VPS45: variants seen among roughly 807,000 people sequenced by gnomAD.
VPS45 encodes the protein vacuolar protein sorting-associated protein 45.
A neutral mutation model predicts 75.9 loss-of-function variants in VPS45; 35 were observed. That is an observed-to-expected ratio of 0.46 (90% CI 0.35 to 0.61). VPS45 has a LOEUF of 0.61. Among genes scored for constraint, VPS45 ranks in the 20% least tolerant of loss-of-function variants. The pLI is 0.00. For missense variants in VPS45, 559 were observed against 685.9 expected, an observed-to-expected ratio of 0.81 and a Z score of 2.07; for synonymous variants, 220 against 238.2, an observed-to-expected ratio of 0.92 and a Z score of 0.70.
chr1:150,081,369 C>A lies in VPS45; in HGVS notation c.715C>A (p.Leu239Ile), dbSNP rs782377202. The A allele has an allele frequency of 6.2e-7, 1 of 1,607,390 alleles. No individual in the cohort carries two copies. The highest frequency in any genetic ancestry group is 1.1e-5 in the South Asian group (1 of 89,710). Residue 239 changes from leucine to isoleucine, a missense_variant, in exon 8 of 15, where the codon CTA becomes ATA. Transcript: ENST00000644510. ...GACATATCAGGCCATGGTCCACGAA[C>A]TACTAGGCATAAACAACAATCGGAT... is the stretch of plus-strand genomic sequence containing the variant. ...QWTYQAMVHE[L>I]LGINNNRIDL...
At chr1:150,124,552 C>CTTTTTTTTTTTT (rs1415553849) in intron 14 of VPS45, among the ~76,000 whole-genome samples, 2 of 140,218 alleles carry the variant, frequency 1.4e-5, no homozygotes, top group Non-Finnish European at 3.0e-5. Context: ...TTTCTTTTTT[C>CTTTTTTTTTTTT]TTTTTTTTTT....
intron 13 of VPS45, chr1:150,109,886 C>G (rs1168642775): frequency 6.6e-6 from 1 of 152,028 alleles, no homozygotes; most frequent in Non-Finnish European, 1.5e-5. Context: ...CTTGGTTTAT[C>G]AAAGGATTCA....
chr1:150,136,379 C>T (rs1371536887), intron 14 of VPS45, among the ~76,000 whole-genome samples: 1 of 151,506 alleles, frequency 6.6e-6, no homozygotes, highest in African/African-American at 2.4e-5. Context: ...CATGGTGAAA[C>T]CCCGTCTCTA....
rs147120532 is a variant in VPS45 at position 150,138,720 on chromosome 1, G to A, written c.1626-5989G>A. Reference sequence around the variant, plus strand: ...CATTGAGAACCAGTGTTTCTTGTCCGAACTTCTCCCCCAAACTCTGGACTT... The same window carrying A: ...CATTGAGAACCAGTGTTTCTTGTCCAAACTTCTCCCCCAAACTCTGGACTT... On this transcript the variant is annotated intron_variant, in intron 14 of 14. Coordinates refer to ENST00000644510, the MANE Select transcript of VPS45 (RefSeq NM_007259.5). Among the ~76,000 whole-genome samples the A allele has an allele frequency of 4.6e-5, 7 of 152,162 alleles. No homozygotes were observed. In the East Asian group the frequency reaches 9.7e-4, roughly 21 times the overall value.
At chr1:150,123,946 G>A (rs929666417) in intron 14 of VPS45, among the ~76,000 whole-genome samples, 4 of 152,036 alleles carry the variant, frequency 2.6e-5, no homozygotes, top group African/African-American at 4.8e-5. Context: ...CAATTCTCTC[G>A]CTGCCAGATT....
At chr1:150,115,633 T>C (rs912333013) in intron 14 of VPS45, among the ~76,000 whole-genome samples, 1 of 152,212 alleles carries the variant, frequency 6.6e-6, no homozygotes, top group Non-Finnish European at 1.5e-5. Flanking sequence ...TACATCTCTC[T>C]TGCATATTCT....
rs1559904726 is a variant in VPS45 at position 150,077,731 on chromosome 1, C to T, written c.639C>T (p.Leu213=). 6.2e-7 allele frequency: 1 copy of T among 1,614,038 alleles called. No individual in the cohort carries two copies. The highest frequency in any genetic ancestry group is 2.2e-5 in the East Asian group (1 of 44,864). ...EFRRTEVPPL[L]LILDRCDDAI... is the part of the protein sequence containing the mutation. ...GTCGGACAGAGGTTCCTCCATTGCT[C>T]CTTATTTTAGATCGCTGTGATGATG... Residue 213 remains leucine (L), a synonymous_variant, in exon 7 of 15, where the codon CTC becomes CTT. Transcript: ENST00000644510.
chr1:150,124,811 G>A (rs1553810393), intron 14 of VPS45, among the ~76,000 whole-genome samples: 1 of 150,362 alleles, frequency 6.7e-6, no homozygotes, highest in Non-Finnish European at 1.5e-5. Flanking sequence ...CGCCTGCCTT[G>A]TCCTCCCAAA....
intron 14 of VPS45, among the ~76,000 whole-genome samples, chr1:150,128,779 G>A (rs1267942163): frequency 1.3e-5 from 2 of 150,158 alleles, no homozygotes; most frequent in African/African-American, 4.9e-5. Context: ...TCGCTCTGTC[G>A]CCCAGGCTGG....
chr1:150,082,957 T>A, intron 10 of VPS45, 74 bp downstream of exon 10: 1 of 1,408,524 alleles, frequency 7.1e-7, no homozygotes, highest in Non-Finnish European at 9.5e-7. Flanking sequence ...AAAAGGCAAG[T>A]AATCCTTCTT....
chr1:150,072,111 T>G (rs1655106724), intron 2 of VPS45, 55 bp from the exon 3 acceptor site: 3 of 1,496,192 alleles, frequency 2.0e-6, no homozygotes, highest in Admixed American at 1.8e-5. Context: ...TGCTTATTAC[T>G]TTTTTCCTTA....
At position 150,131,464 on chromosome 1, in the gene VPS45, T is replaced by A. The variant is rs587732545; in HGVS notation, c.1626-13245T>A. On this transcript the variant is annotated intron_variant, in intron 14 of 14. Transcript: ENST00000644510. ...AGGCAGAGGTTGCAGTGAGACAAGA[T>A]CGCACCATTGCACTCCAGCCTGGGC... is the stretch of plus-strand genomic sequence containing the variant. Among the ~76,000 whole-genome samples the A allele has an allele frequency of 2.6e-5, 4 of 152,062 alleles. No homozygotes were observed. The South Asian group carries it at 8.3e-4, about 32-fold the overall frequency.
chr1:150,117,620 A>G (rs1297078890), intron 14 of VPS45, among the ~76,000 whole-genome samples: 4 of 152,104 alleles, frequency 2.6e-5, no homozygotes, highest in Non-Finnish European at 4.4e-5. Context: ...GCACTTTGGG[A>G]GACCGAAGTG....
At chr1:150,135,859 G>T (rs1659050514) in intron 14 of VPS45, among the ~76,000 whole-genome samples, 1 of 150,566 alleles carries the variant, frequency 6.6e-6, no homozygotes, top group Non-Finnish European at 1.5e-5. Flanking sequence ...GGCTGGTTTT[G>T]AACTCCTGAC....
intron 14 of VPS45, among the ~76,000 whole-genome samples, chr1:150,115,431 T>TAGAAAA (rs1657880900): frequency 6.6e-6 from 1 of 152,220 alleles, no homozygotes; most frequent in Non-Finnish European, 1.5e-5. Flanking sequence ...TTTCTCATGT[T>TAGAAAA]TTCAAATCCT....
At chr1:150,074,269 C>T (rs1383360814) in intron 3 of VPS45, among the ~76,000 whole-genome samples, 1 of 151,858 alleles carries the variant, frequency 6.6e-6, no homozygotes, top group Non-Finnish European at 1.5e-5. Context: ...GTGATACGCC[C>T]GCTTCAGCCT....
At chr1:150,139,259 G>A (rs1184966896) in intron 14 of VPS45, among the ~76,000 whole-genome samples, 20 of 151,962 alleles carry the variant, frequency 1.3e-4, no homozygotes, top group Admixed American at 6.6e-4. Flanking sequence ...CTTATAGCCC[G>A]CTCTACCCAT....
At chr1:150,101,260 C>T (rs1266011041) in intron 13 of VPS45, among the ~76,000 whole-genome samples, 1 of 85,724 alleles carries the variant, frequency 1.2e-5, no homozygotes, top group Non-Finnish European at 2.3e-5. Flanking sequence ...AAGAGCAAAA[C>T]CCTGTCGCAA....
intron 14 of VPS45, among the ~76,000 whole-genome samples, chr1:150,121,087 C>T (rs377309015): frequency 6.6e-6 from 1 of 151,828 alleles, no homozygotes; most frequent in African/African-American, 2.4e-5. Context: ...GATCTCCTGA[C>T]CTTGTGATCC....
Sources: allele counts gnomAD v4.1 joint callset (sites outside exome capture counted in the v4.1 genomes callset), GRCh38; gene constraint gnomAD v4.1.1; transcripts MANE v1.5; gene names NCBI Gene and HGNC (gene_info 2026-07-23, HGNC 2026-07-21).